PDGFRB: variants seen among roughly 807,000 people sequenced by gnomAD.
The protein encoded by PDGFRB is platelet derived growth factor receptor beta.
In PDGFRB, 42 loss-of-function variants were observed where a neutral mutation model predicts 120.2. The observed-to-expected ratio is 0.35, with a 90% CI of 0.27 to 0.45. The LOEUF is 0.45. Ranked by LOEUF, PDGFRB falls within the 20% of genes least tolerant of loss-of-function variation. The probability of loss-of-function intolerance (pLI) is 1.00; values close to 1 mark genes in which losing one functional copy is unlikely to be tolerated. For missense variants in PDGFRB, 1,149 were observed against 1,476.3 expected, an observed-to-expected ratio of 0.78 and a Z score of 3.63; for synonymous variants, 586 against 606.8, an observed-to-expected ratio of 0.97 and a Z score of 0.50.
At chr5:150,137,819 G>C (rs925217590) in intron 1 of PDGFRB, among the ~76,000 whole-genome samples, 3 of 152,260 alleles carry the variant, frequency 2.0e-5, no homozygotes, top group African/African-American at 7.2e-5. Flanking sequence ...GTTTACCCAA[G>C]ATTCCACAGC....
At chr5:150,122,873 T>G (rs763866591) in intron 15 of PDGFRB, among the ~76,000 whole-genome samples, 169 bp downstream of exon 15, 55 of 152,346 alleles carry the variant, frequency 3.6e-4, no homozygotes, top group Middle Eastern at 3.4e-3. Context: ...GGCATTAGTG[T>G]TATTCCCTCA....
intron 10 of PDGFRB, among the ~76,000 whole-genome samples, chr5:150,128,006 T>C (rs1169599551): frequency 6.6e-6 from 1 of 152,048 alleles, no homozygotes; most frequent in East Asian, 1.9e-4. Flanking sequence ...CCCTTACCTA[T>C]CCTCGCCATG....
In PDGFRB at chr5:150,125,463, G is replaced by T. The variant is rs755079420; in HGVS notation, c.1789C>A (p.Arg597=). Residue 597 remains arginine (R), a synonymous_variant, in exon 12 of 23, where the codon CGG becomes AGG. Coordinates refer to ENST00000261799, the MANE Select transcript of PDGFRB (RefSeq NM_002609.4). ...GACTGACCCAGCACAAGCTGGTCCC[G>T]CGGCAGCTCCCACGTGGAGTCATAG... ...LPYDSTWELP[R]DQLVLGRTLG... is the part of the protein sequence containing the mutation. The T allele has an allele frequency of 1.2e-6, 2 of 1,611,990 alleles. No individual in the cohort carries two copies. Among genetic ancestry groups the T allele is most frequent in the Non-Finnish European group, 8.5e-7 (1 of 1,178,532 alleles).
chr5:150,124,903 C>A, intron 12 of PDGFRB, 72 bp from the exon 13 acceptor site: 1 of 687,510 alleles, frequency 1.5e-6, no homozygotes, highest in East Asian at 2.7e-5. Flanking sequence ...GCCCCCCTCC[C>A]CCCACTCCCC....
chr5:150,118,221 C>A (rs941624968), intron 21 of PDGFRB, among the ~76,000 whole-genome samples: 5 of 152,132 alleles, frequency 3.3e-5, no homozygotes, highest in African/African-American at 1.2e-4. Context: ...TCCCTGGGAC[C>A]ATCCCCGGGG....
Position 150,132,156 on chromosome 5 carries a change from C to A in PDGFRB, c.1128-62G>T. ...GACTCTTACAGTTCTCCCCACCCTC[C>A]TGGTATAAAGAGGAACAAGGCCCAG... On this transcript the variant is annotated intron_variant, in intron 7 of 22. Coordinates refer to ENST00000261799, the MANE Select transcript of PDGFRB (RefSeq NM_002609.4). This position sits in a 1 kb window ranked among gnomAD's most constrained non-coding sequence, Gnocchi z 5.0. 1 of 900,330 alleles carries A rather than the reference C, an allele frequency of 1.1e-6. No homozygotes were observed. Among genetic ancestry groups the A allele is most frequent in the Non-Finnish European group, 1.8e-6 (1 of 544,266 alleles). The allele number at this position is 900,330 out of a possible 1,614,324, so 55.8% of individuals were successfully genotyped here.
chr5:150,122,932 T>C, intron 15 of PDGFRB, 110 bp downstream of exon 15: 3 of 953,372 alleles, frequency 3.1e-6, no homozygotes, highest in East Asian at 2.4e-5. Context: ...GGAGTGATTC[T>C]GTCCCCTGCC....
At chr5:150,117,126 C>G (rs1759960825) in intron 22 of PDGFRB, among the ~76,000 whole-genome samples, 2 of 152,358 alleles carry the variant, frequency 1.3e-5, no homozygotes, top group South Asian at 4.1e-4. Context: ...AACCACGAAT[C>G]TCCTTCCCAG....
chr5:150,133,623 G>C lies in PDGFRB; in HGVS notation c.897C>G (p.Asp299Glu), dbSNP rs1465274173. ...YTCNVTESVN[D>E]HQDEKAINIT... ...TGTTGATGGCCTTTTCATCCTGATG[G>C]TCATTCACACTCTCCGTCACATTGC... The change falls in exon 6 of 23, where the codon GAC (aspartate) becomes GAG (glutamate). Residue 299 changes from aspartate to glutamate, a missense_variant. Physicochemically the swap from Asp to Glu is conservative, Grantham distance 45. This residue lies in a region of PDGFRB where 879 missense variants were observed against 1,108.6 expected (regional missense o/e 0.79). Coordinates refer to ENST00000261799, the MANE Select transcript of PDGFRB (RefSeq NM_002609.4). 1 of 1,614,076 alleles carries C rather than the reference G, an allele frequency of 6.2e-7. No homozygotes were observed. Among genetic ancestry groups the C allele is most frequent in the East Asian group, 2.2e-5 (1 of 44,880 alleles).
rs147568171 is a variant in PDGFRB, at chr5:150,133,754, G to A, written c.766C>T (p.Arg256Trp). The A allele has an allele frequency of 4.0e-5, 65 of 1,613,870 alleles. No homozygotes were observed. The highest frequency in any genetic ancestry group is 5.3e-5 in the African/African-American group (4 of 74,880). The change falls in exon 6 of 23, where the codon CGG becomes TGG. Residue 256 changes from arginine (R) to tryptophan (W), a missense_variant. By Grantham distance (101) the Arg-to-Trp change is moderately radical. Transcript: ENST00000261799. The stretch of plus-strand genomic sequence containing the variant: ...AAGTCAGTCACCGGCTCCACCAGCC[G>A]CCCACTCTGCAGCAACAGGTTGGGC... ...EWTYPRKESG[R>W]LVEPVTDFLL... is the part of the protein sequence containing the mutation.
At chr5:150,130,333 G>T (rs1195292574) in intron 9 of PDGFRB, among the ~76,000 whole-genome samples, 1 of 152,146 alleles carries the variant, frequency 6.6e-6, no homozygotes, top group African/African-American at 2.4e-5. Flanking sequence ...CACTTTGCTA[G>T]GCCAAACTGC....
At chr5:150,116,709 T>G in intron 22 of PDGFRB, among the ~76,000 whole-genome samples, 1 of 151,620 alleles carries the variant, frequency 6.6e-6, no homozygotes, top group Non-Finnish European at 1.5e-5. Context: ...CAAAACAGGG[T>G]GAGCATTCAC....
intron 1 of PDGFRB, among the ~76,000 whole-genome samples, chr5:150,138,638 C>T (rs1402197611): frequency 6.6e-6 from 1 of 152,228 alleles, no homozygotes; most frequent in East Asian, 1.9e-4. Flanking sequence ...ACTCAAAGCC[C>T]AGCCCTTCTG....
chr5:150,137,935 A>G (rs1221986094), intron 1 of PDGFRB, among the ~76,000 whole-genome samples: 1 of 151,996 alleles, frequency 6.6e-6, no homozygotes, highest in Non-Finnish European at 1.5e-5. Context: ...AGACAGCACC[A>G]GAGGCACTAA....
At chr5:150,119,918 G>T (rs1056072231) in intron 19 of PDGFRB, 94 bp downstream of exon 19, 10 of 760,396 alleles carry the variant, frequency 1.3e-5, no homozygotes, top group Non-Finnish European at 2.2e-5. Flanking sequence ...CCTGTATCAG[G>T]GCTCGTCCCA....
At chr5:150,137,183 C>A in intron 1 of PDGFRB, 130 bp from the exon 2 acceptor site, 1 of 662,924 alleles carries the variant, frequency 1.5e-6, no homozygotes, top group South Asian at 1.9e-5. Flanking sequence ...GGGCTGAAGT[C>A]AAAAGCCACC....
intron 19 of PDGFRB, 100 bp from the exon 20 acceptor site, chr5:150,119,666 T>C: frequency 1.3e-6 from 1 of 770,844 alleles, no homozygotes; most frequent in Non-Finnish European, 2.3e-6. Flanking sequence ...GGCCCTGGTA[T>C]GGGTAAGGGG....
intron 1 of PDGFRB, among the ~76,000 whole-genome samples, chr5:150,138,485 G>A (rs375260621): frequency 2.0e-4 from 31 of 152,276 alleles, no homozygotes; most frequent in Non-Finnish European, 3.5e-4. Flanking sequence ...GGCTCCTCCC[G>A]CCTATGGACC....
chr5:150,142,432 G>A (rs1164216624), intron 1 of PDGFRB, among the ~76,000 whole-genome samples: 1 of 152,222 alleles, frequency 6.6e-6, no homozygotes, highest in East Asian at 1.9e-4. Context: ...ATTGGCGACT[G>A]AGACTCAGAG....
Sources: allele counts gnomAD v4.1 joint callset (sites outside exome capture counted in the v4.1 genomes callset), GRCh38; gene constraint gnomAD v4.1.1; regional missense constraint gnomAD v4.1.1; non-coding constraint Gnocchi (gnomAD v3.1); transcripts MANE v1.5; gene names NCBI Gene and HGNC (gene_info 2026-07-23, HGNC 2026-07-21).